AHI1: variants seen among roughly 807,000 people sequenced by gnomAD.
The protein encoded by AHI1 is jouberin.
A neutral mutation model predicts 149.3 loss-of-function variants in AHI1; 123 were observed. The ratio of observed to expected loss-of-function variants is 0.82; its 90% confidence interval spans 0.71 to 0.96. AHI1 has a LOEUF of 0.96. AHI1 is among the 40% of genes least tolerant of loss of function. The pLI is 0.00. For synonymous variants in AHI1, 475 were observed against 459.8 expected (o/e 1.03, Z -0.42); for missense variants, 1,439 against 1,422.7 (o/e 1.01, Z -0.18).
intron 23 of AHI1, among the ~76,000 whole-genome samples, chr6:135,378,943 T>TA (rs1336241463): frequency 1.3e-5 from 2 of 152,148 alleles, no homozygotes; most frequent in African/African-American, 4.8e-5. Flanking sequence ...TTCTTTTCAC[T>TA]AAATAGCCTC....
chr6:135,325,373 G>T (rs1035146670), intron 24 of AHI1, among the ~76,000 whole-genome samples: 2 of 152,150 alleles, frequency 1.3e-5, no homozygotes, highest in Non-Finnish European at 2.9e-5. Flanking sequence ...TTACATACAA[G>T]CGGAACTTTA....
chr6:135,471,453 A>T (rs928351520), intron 5 of AHI1, among the ~76,000 whole-genome samples: 1 of 152,136 alleles, frequency 6.6e-6, no homozygotes, highest in Non-Finnish European at 1.5e-5. Flanking sequence ...TCCCTCTAAC[A>T]GCTTTATGGG....
intron 4 of AHI1, 110 bp from the exon 5 acceptor site, chr6:135,490,857 T>G: frequency 7.7e-7 from 1 of 1,305,860 alleles, no homozygotes; most frequent in Non-Finnish European, 1.0e-6. Flanking sequence ...ATGAGTTCTC[T>G]AGCTACATTA....
At position 135,463,138 on chromosome 6, in the gene AHI1, C is replaced by CT. The variant is rs1181159671; in HGVS notation, c.917dup (p.Lys307GlufsTer3). The CT allele has an allele frequency of 6.3e-7, 1 of 1,576,814 alleles. No homozygotes were observed. Among genetic ancestry groups the CT allele is most frequent in the African/African-American group, 1.4e-5 (1 of 72,840 alleles). ...TGTATAGCAAACCTGCTTTAGTCTT[C>CT]TTTTTTGTTTTTTTTGGTTTAGGTT... On this transcript the variant is annotated frameshift_variant, in exon 8 of 29. Coordinates refer to ENST00000265602, the MANE Select transcript of AHI1 (RefSeq NM_001134831.2). LOFTEE classifies it high-confidence loss of function.
chr6:135,495,182 TAAA>T (rs34095110), intron 3 of AHI1: 1 of 150,364 alleles, frequency 6.7e-6, no homozygotes, highest in South Asian at 2.1e-4. Context: ...ACCTTTCCCT[TAAA>T]AAAAAAATCA....
At chr6:135,297,556 GCTT>G (rs1449317909) in intron 27 of AHI1, 3 of 455,498 alleles carry the variant, frequency 6.6e-6, no homozygotes, top group Non-Finnish European at 1.3e-5. Flanking sequence ...CCTTCTAAAT[GCTT>G]CTTATTTCTA....
intron 26 of AHI1, chr6:135,301,006 A>C: frequency 1.0e-6 from 1 of 984,728 alleles, no homozygotes; most frequent in Non-Finnish European, 1.2e-6. Flanking sequence ...AAAGCTCTTT[A>C]AATCTACAAA....
chr6:135,467,264 A>G (rs1231094105), intron 6 of AHI1, among the ~76,000 whole-genome samples: 1 of 152,220 alleles, frequency 6.6e-6, no homozygotes, highest in Non-Finnish European at 1.5e-5. Flanking sequence ...ATTAACAAAC[A>G]CTAAAGGAAG....
chr6:135,357,182 C>T (rs1031579786), intron 24 of AHI1, among the ~76,000 whole-genome samples: 1 of 152,170 alleles, frequency 6.6e-6, no homozygotes, highest in Non-Finnish European at 1.5e-5. Flanking sequence ...TGTGATCTGC[C>T]CGCCTTGGCC....
At chr6:135,302,698 A>T in intron 26 of AHI1, 1 of 1,221,486 alleles carries the variant, frequency 8.2e-7, no homozygotes, top group Non-Finnish European at 1.0e-6. Flanking sequence ...TGACTTCCAA[A>T]CACCTTTACT....
intron 26 of AHI1, chr6:135,301,387 A>G (rs1783865274): frequency 1.0e-6 from 1 of 982,120 alleles, no homozygotes; most frequent in African/African-American, 1.7e-5. Context: ...ACAAAATGAA[A>G]TGAAAGAAAA....
At chr6:135,450,947 C>T (rs966070982) in intron 11 of AHI1, among the ~76,000 whole-genome samples, 30 of 152,014 alleles carry the variant, frequency 2.0e-4, no homozygotes, top group African/African-American at 6.5e-4. Context: ...AGACATCCCT[C>T]GTACCAACAG....
At chr6:135,452,485 A>G (rs1327365664) in intron 11 of AHI1, among the ~76,000 whole-genome samples, 1 of 152,206 alleles carries the variant, frequency 6.6e-6, no homozygotes, top group African/African-American at 2.4e-5. Flanking sequence ...GAATTTCCTA[A>G]TGTGATTTTC....
intron 8 of AHI1, among the ~76,000 whole-genome samples, chr6:135,462,255 T>C (rs144913705): frequency 2.2e-4 from 33 of 151,290 alleles, no homozygotes; most frequent in Admixed American, 2.0e-3. Context: ...TTTTGGCCAA[T>C]CAAATGGAAA....
intron 23 of AHI1, among the ~76,000 whole-genome samples, chr6:135,367,583 G>A (rs978072249): frequency 6.6e-6 from 1 of 152,018 alleles, no homozygotes. Flanking sequence ...GTCGGCTTGG[G>A]TCAATTAGAA....
rs139354082 is a variant in AHI1 at position 135,491,879 on chromosome 6, C to T, written c.10+349G>A. Among the ~76,000 whole-genome samples, 769 of 152,226 alleles carry T rather than the reference C, an allele frequency of 5.1e-3. 4 individuals are homozygous for T. The highest frequency in any genetic ancestry group is 0.018 in the African/African-American group (747 of 41,526). On this transcript the variant is annotated intron_variant, in intron 4 of 28. Coordinates refer to ENST00000265602, the MANE Select transcript of AHI1 (RefSeq NM_001134831.2). ...TTGAGCAGTTATAGCAGAGACTAAG[C>T]CTAAAATATTTACTAGCTAGCCCTT...
At chr6:135,344,181 T>C (rs1018033867) in intron 24 of AHI1, among the ~76,000 whole-genome samples, 3 of 151,972 alleles carry the variant, frequency 2.0e-5, no homozygotes, top group African/African-American at 7.2e-5. Context: ...GTTGTTATAC[T>C]ATTTTTATTT....
intron 11 of AHI1, 59 bp from the exon 12 acceptor site, chr6:135,448,534 A>C: frequency 1.6e-6 from 2 of 1,255,704 alleles, no homozygotes; most frequent in Non-Finnish European, 2.1e-6. Flanking sequence ...TATCCAATAA[A>C]GCAATAGCAT....
chr6:135,335,881 G>C (rs1054280963), intron 24 of AHI1, among the ~76,000 whole-genome samples: 4 of 151,718 alleles, frequency 2.6e-5, no homozygotes, highest in Non-Finnish European at 2.9e-5. Context: ...TCCCAACCTA[G>C]GTGGGTGGAT....
Sources: gnomAD v4.1 joint callset for allele counts (sites outside exome capture counted in the v4.1 genomes callset) on GRCh38, gnomAD v4.1.1 for gene constraint, MANE v1.5 for transcripts, NCBI Gene and HGNC (gene_info 2026-07-23, HGNC 2026-07-21) for gene names.